Variants in TMEM41B observed in about 807,000 individuals in gnomAD.
TMEM41B encodes the protein transmembrane protein 41B.
Under a neutral mutation model 31.9 loss-of-function variants are expected in TMEM41B, and 18 were observed. That is an observed-to-expected ratio of 0.56 (90% CI 0.39 to 0.84). The LOEUF (loss-of-function observed/expected upper bound fraction) is 0.84. TMEM41B is among the 40% of genes least tolerant of loss of function. TMEM41B has a pLI of 0.00. For synonymous variants in TMEM41B, 144 were observed against 124.3 expected (o/e 1.16, Z -1.05); for missense variants, 322 against 348.0 (o/e 0.93, Z 0.59).
chr11:9,289,368 CT>C (rs1427143018), intron 3 of TMEM41B, among the ~76,000 whole-genome samples: 1 of 150,680 alleles, frequency 6.6e-6, no homozygotes, highest in Non-Finnish European at 1.5e-5. Flanking sequence ...GGATCTGAAC[CT>C]TTTTCCCCTC....
intron 3 of TMEM41B, among the ~76,000 whole-genome samples, chr11:9,289,429 T>C (rs1852905892): frequency 6.6e-6 from 1 of 152,092 alleles, no homozygotes; most frequent in African/African-American, 2.4e-5. Context: ...CATCTCTCCA[T>C]CTATCCTCAC....
At chr11:9,313,401 G>A (rs1202161772) in intron 1 of TMEM41B, among the ~76,000 whole-genome samples, 1 of 152,208 alleles carries the variant, frequency 6.6e-6, no homozygotes. Context: ...ACCTATGTGA[G>A]CTACAGACAA....
At position 9,288,532 on chromosome 11, in the gene TMEM41B, C is replaced by A. The variant is rs907757545; in HGVS notation, c.372G>T (p.Leu124Phe). ...TAGAGCCTGGAATAGCAAATGTTTG[C>A]AAGCTGGTAACTTTTAAGTTAAGGA... Reference protein sequence around the residue: ...LVAYFATYIFLQTFAIPGSIF... With the variant: ...LVAYFATYIFFQTFAIPGSIF... The change falls in exon 4 of 7, where the codon TTG becomes TTT. Residue 124 changes from leucine (L) to phenylalanine (F), a missense_variant. By Grantham distance (22) the Leu-to-Phe change is conservative. This residue lies in a region of TMEM41B where 183 missense variants were observed against 175.3 expected (regional missense o/e 1.04). Coordinates refer to ENST00000528080, the MANE Select transcript of TMEM41B (RefSeq NM_015012.4). The A allele has an allele frequency of 6.4e-7, 1 of 1,568,702 alleles. No individual in the cohort carries two copies. The highest frequency in any genetic ancestry group is 8.6e-7 in the Non-Finnish European group (1 of 1,161,318).
chr11:9,288,576 G>C, intron 3 of TMEM41B, 41 bp from the exon 4 acceptor site: 2 of 1,361,144 alleles, frequency 1.5e-6, no homozygotes, highest in Non-Finnish European at 2.0e-6. Flanking sequence ...TAATTAAGTA[G>C]AATTTTAAAA....
intron 3 of TMEM41B, among the ~76,000 whole-genome samples, chr11:9,289,536 T>C (rs776099918): frequency 1.3e-5 from 2 of 152,104 alleles, no homozygotes; most frequent in Non-Finnish European, 2.9e-5. Flanking sequence ...TTCAACTCTG[T>C]TCTCTTTCAC....
chr11:9,312,080 G>C (rs1300045018), intron 1 of TMEM41B, among the ~76,000 whole-genome samples: 3 of 152,142 alleles, frequency 2.0e-5, no homozygotes, highest in Admixed American at 2.0e-4. Flanking sequence ...CAACCTCATC[G>C]CCTACTACCA....
chr11:9,286,380 T>A, intron 6 of TMEM41B, 75 bp downstream of exon 6: 1 of 1,453,570 alleles, frequency 6.9e-7, no homozygotes. Flanking sequence ...AGAGCATGCA[T>A]GTAATCTAGC....
chr11:9,282,651 G>A lies in TMEM41B; in HGVS notation c.*773C>T, dbSNP rs1186982859. The stretch of plus-strand genomic sequence containing the variant: ...CATTACCTCAAAAGAGGAAGAAAAT[G>A]GGCCAGGCGCGGTGGCTCACGCCTG... On this transcript the variant is annotated 3_prime_UTR_variant, in exon 7 of 7. Coordinates refer to ENST00000528080, the MANE Select transcript of TMEM41B (RefSeq NM_015012.4). The A allele has an allele frequency of 2.0e-5, 3 of 151,778 alleles. No homozygotes were observed. The highest frequency in any genetic ancestry group is 2.9e-5 in the Non-Finnish European group (2 of 67,996). The allele number at this position is 151,778 out of a possible 1,614,324, so 9.4% of individuals were successfully genotyped here. A position where few individuals can be genotyped will look rare whatever the true frequency, so the allele number is the denominator to read the frequency against.
At chr11:9,300,981 G>A (rs1287340799) in intron 1 of TMEM41B, among the ~76,000 whole-genome samples, 6 of 152,148 alleles carry the variant, frequency 3.9e-5, no homozygotes, top group South Asian at 2.1e-4. Context: ...GGTCAATAGC[G>A]CGAAGGCCAG....
chr11:9,294,170 G>T (rs1306656306), intron 3 of TMEM41B, among the ~76,000 whole-genome samples: 1 of 131,768 alleles, frequency 7.6e-6, no homozygotes, highest in Non-Finnish European at 1.6e-5. Flanking sequence ...GACAGGGGGA[G>T]AACCTGTCTC....
chr11:9,291,433 C>T (rs996971366), intron 3 of TMEM41B, among the ~76,000 whole-genome samples: 3 of 151,724 alleles, frequency 2.0e-5, no homozygotes, highest in Non-Finnish European at 4.4e-5. Flanking sequence ...GACTGAGTCT[C>T]GCTCTGTCGC....
At chr11:9,305,845 TAGAC>T (rs1439717935) in intron 1 of TMEM41B, among the ~76,000 whole-genome samples, 1 of 152,082 alleles carries the variant, frequency 6.6e-6, no homozygotes, top group South Asian at 2.1e-4. Flanking sequence ...TTCTTTTTGG[TAGAC>T]AGAGTCTACC....
chr11:9,288,422 T>C lies in TMEM41B; in HGVS notation c.462+20A>G, dbSNP rs371006221. On this transcript the variant is annotated intron_variant, in intron 4 of 6. Coordinates refer to ENST00000528080, the MANE Select transcript of TMEM41B (RefSeq NM_015012.4). ...TTCTATTGTTTTTTCAGTCTCCCAA[T>C]TTTATTTTTTCATACTTACCAAACA... 3.3e-6 allele frequency: 5 copies of C among 1,522,578 alleles called. No homozygotes were observed. The African/African-American group carries it at 7.0e-5, about 21-fold the overall frequency. The allele number at this position is 1,522,578 out of a possible 1,614,324, so 94.3% of individuals were successfully genotyped here. A position where few individuals can be genotyped will look rare whatever the true frequency, so the allele number is the denominator to read the frequency against.
At chr11:9,314,238 C>T in intron 1 of TMEM41B, 83 bp downstream of exon 1, 1 of 1,454,330 alleles carries the variant, frequency 6.9e-7, no homozygotes, top group South Asian at 1.3e-5. Context: ...CCGCGACTCT[C>T]CGAGAATAGC....
At chr11:9,292,460 C>G (rs916904671) in intron 3 of TMEM41B, among the ~76,000 whole-genome samples, 1 of 152,070 alleles carries the variant, frequency 6.6e-6, no homozygotes, top group Non-Finnish European at 1.5e-5. Context: ...TATTAATAAT[C>G]TAAAACGTTT....
chr11:9,293,186 C>T (rs569532350), intron 3 of TMEM41B, among the ~76,000 whole-genome samples: 1 of 152,178 alleles, frequency 6.6e-6, no homozygotes, highest in Admixed American at 6.5e-5. Context: ...GCTGTAGCCT[C>T]AACTTCCCTG....
chr11:9,307,670 G>A (rs983309149), intron 1 of TMEM41B, among the ~76,000 whole-genome samples: 3 of 151,926 alleles, frequency 2.0e-5, no homozygotes, highest in East Asian at 1.9e-4. Flanking sequence ...TCAGACTCCC[G>A]ACCTCAGGTG....
At chr11:9,309,263 A>AGAAAAAT (rs1209580592) in intron 1 of TMEM41B, among the ~76,000 whole-genome samples, 1 of 151,938 alleles carries the variant, frequency 6.6e-6, no homozygotes, top group Non-Finnish European at 1.5e-5. Flanking sequence ...AAAGAAAGAA[A>AGAAAAAT]GAAAAATCTG....
Position 9,302,631 on chromosome 11 carries a change from T to C in TMEM41B, c.122-2930A>G, listed in dbSNP as rs1410792040. Among the ~76,000 whole-genome samples, 6 of 99,182 alleles carry C rather than the reference T, an allele frequency of 6.0e-5. 2 individuals carry two copies. Among genetic ancestry groups the C allele is most frequent in the Non-Finnish European group, 1.3e-4 (6 of 46,420 alleles). The allele number at this position is 99,182 out of a possible 152,430, so 65.1% of individuals were successfully genotyped here. On this transcript the variant is annotated intron_variant, in intron 1 of 6. Transcript: ENST00000528080. ...ATTCTATGTTGAACACATAGAGAAA[T>C]AGAAACCAACTAGCTCCTTGCTATT...
Sources: allele counts gnomAD v4.1 joint callset (sites outside exome capture counted in the v4.1 genomes callset), GRCh38; gene constraint gnomAD v4.1.1; regional missense constraint gnomAD v4.1.1; transcripts MANE v1.5; gene names NCBI Gene and HGNC (gene_info 2026-07-23, HGNC 2026-07-21).